Variants in ACTN2 observed in about 807,000 individuals in gnomAD.
The protein encoded by ACTN2 is actinin alpha 2.
A neutral mutation model predicts 113.8 loss-of-function variants in ACTN2; 39 were observed. The ratio of observed to expected loss-of-function variants is 0.34; its 90% CI spans 0.27 to 0.45. The LOEUF is 0.45. ACTN2 is among the 20% of genes least tolerant of loss of function. The pLI, the probability that ACTN2 is intolerant of heterozygous loss-of-function variation, is 1.00. For synonymous variants in ACTN2, 429 were observed against 444.1 expected (o/e 0.97, Z 0.43); for missense variants, 992 against 1,177.9 (o/e 0.84, Z 2.31).
chr1:236,737,698 C>T (rs1195169071), intron 9 of ACTN2, among the ~76,000 whole-genome samples: 3 of 152,012 alleles, frequency 2.0e-5, no homozygotes, highest in Non-Finnish European at 2.9e-5. Flanking sequence ...TGTATAAATA[C>T]CCAGAGGAAA....
Position 236,751,475 on chromosome 1 carries a change from G to A in ACTN2, c.1662G>A (p.Leu554=). Residue 554 remains leucine, a synonymous_variant, in exon 15 of 21, where the codon CTG becomes CTA. Coordinates refer to ENST00000366578, the MANE Select transcript of ACTN2 (RefSeq NM_001103.4). ...IVHSIEEIQS[L]ITAHEQFKAT... ...CACTTGTGTCTCGGGTGTAGAGTCT[G>A]ATCACTGCGCATGAGCAGTTCAAGG... 6.2e-7 allele frequency: 1 copy of A among 1,613,944 alleles called. No individual in the cohort carries two copies. The highest frequency in any genetic ancestry group is 2.2e-5 in the East Asian group (1 of 44,896).
intron 1 of ACTN2, among the ~76,000 whole-genome samples, chr1:236,708,949 T>C (rs142968572): frequency 8.1e-4 from 123 of 152,188 alleles, no homozygotes; most frequent in African/African-American, 2.9e-3. Flanking sequence ...ACTTTTCTAA[T>C]ATTTAGAAAG....
intron 1 of ACTN2, among the ~76,000 whole-genome samples, chr1:236,698,247 A>G (rs185189485): frequency 6.6e-6 from 1 of 151,738 alleles, no homozygotes; most frequent in Non-Finnish European, 1.5e-5. Context: ...CATGATGTAG[A>G]ATTAAACTCC....
chr1:236,701,268 T>A (rs1657665740), intron 1 of ACTN2, among the ~76,000 whole-genome samples: 1 of 152,086 alleles, frequency 6.6e-6, no homozygotes, highest in South Asian at 2.1e-4. Context: ...TTCCCCCAAG[T>A]AATTTGTACA....
At chr1:236,715,200 A>G (rs1658147990) in intron 1 of ACTN2, among the ~76,000 whole-genome samples, 1 of 149,734 alleles carries the variant, frequency 6.7e-6, no homozygotes, top group Non-Finnish European at 1.5e-5. Flanking sequence ...GTACATGTGC[A>G]CAACGTGTAG....
chr1:236,747,992 A>G (rs1659287789), intron 13 of ACTN2: 4 of 521,862 alleles, frequency 7.7e-6, no homozygotes, highest in Admixed American at 6.4e-5. Context: ...ATATTTTTCA[A>G]TTTTAAAAAA....
At position 236,686,561 on chromosome 1, in the gene ACTN2, A is replaced by G; in HGVS notation, c.-113A>G. ...TGTCGCCCCGAGAGGAGCCGCGCGAAGGTCACCCCGCGCCCGCCGCCCGCC... is the reference window on the plus strand; with the variant it reads ...TGTCGCCCCGAGAGGAGCCGCGCGAGGGTCACCCCGCGCCCGCCGCCCGCC... On this transcript the variant is annotated 5_prime_UTR_variant, in exon 1 of 21. Transcript: ENST00000366578. The G allele has an allele frequency of 8.1e-7, 1 of 1,232,306 alleles. No homozygotes were observed. The allele number at this position is 1,232,306 out of a possible 1,614,324, so 76.3% of individuals were successfully genotyped here.
intron 1 of ACTN2, among the ~76,000 whole-genome samples, chr1:236,708,959 G>A (rs1052977065): frequency 4.6e-5 from 7 of 151,928 alleles, no homozygotes; most frequent in East Asian, 1.9e-4. Context: ...TATTTAGAAA[G>A]AACCAGGAAA....
chr1:236,724,473 C>T (rs914784876), intron 4 of ACTN2, among the ~76,000 whole-genome samples: 1 of 152,168 alleles, frequency 6.6e-6, no homozygotes, highest in Non-Finnish European at 1.5e-5. Flanking sequence ...GCCTGAGGAG[C>T]CTTCAGACCA....
chr1:236,716,723 T>G (rs1658226009), intron 1 of ACTN2, among the ~76,000 whole-genome samples: 1 of 152,142 alleles, frequency 6.6e-6, no homozygotes, highest in Non-Finnish European at 1.5e-5. Context: ...TTAAAACTGT[T>G]GTTCACCCGA....
In ACTN2 at chr1:236,762,466, C is replaced by T; in HGVS notation, c.2532C>T (p.Tyr844=). 2 of 1,614,124 alleles carry T rather than the reference C, an allele frequency of 1.2e-6. No homozygotes were observed. Among genetic ancestry groups the T allele is most frequent in the South Asian group, 2.2e-5 (2 of 91,076 alleles). Reference sequence around the variant, plus strand: ...ACGTGTGTATTTTTTCCCAGCCATACATCCTGGCGGAGGAGCTGCGTCGGG... The same window carrying T: ...ACGTGTGTATTTTTTCCCAGCCATATATCCTGGCGGAGGAGCTGCGTCGGG... The part of the protein sequence containing the change: ...SFRILASDKP[Y]ILAEELRREL... The change falls in exon 21 of 21, where the codon TAC becomes TAT. Residue 844 remains tyrosine (Y), a synonymous_variant. Coordinates refer to ENST00000366578, the MANE Select transcript of ACTN2 (RefSeq NM_001103.4).
intron 18 of ACTN2, 25 bp downstream of exon 18, chr1:236,757,657 G>A: frequency 6.2e-7 from 1 of 1,613,762 alleles, no homozygotes; most frequent in Non-Finnish European, 8.5e-7. Context: ...TTATTTGAAG[G>A]GCAATACTGG....
chr1:236,706,112 T>C (rs200698747), intron 1 of ACTN2, among the ~76,000 whole-genome samples: 2 of 55,952 alleles, frequency 3.6e-5, no homozygotes, highest in Non-Finnish European at 1.5e-4. Context: ...AGGTATTTTC[T>C]TTTTTTTTTT....
chr1:236,701,543 G>A (rs955854406), intron 1 of ACTN2, among the ~76,000 whole-genome samples: 2 of 152,156 alleles, frequency 1.3e-5, no homozygotes, highest in Non-Finnish European at 2.9e-5. Context: ...CCTCTGAAAC[G>A]GGGTTGACTG....
intron 4 of ACTN2, among the ~76,000 whole-genome samples, chr1:236,722,193 T>TTAAC (rs1172500289): frequency 2.6e-5 from 4 of 152,160 alleles, no homozygotes; most frequent in African/African-American, 9.7e-5. Context: ...ACAACCTCAT[T>TTAAC]TAACTTCTGT....
intron 1 of ACTN2, among the ~76,000 whole-genome samples, chr1:236,713,226 C>CTTTTTTT (rs60295974): frequency 2.8e-5 from 4 of 144,022 alleles, no homozygotes; most frequent in Admixed American, 7.0e-5. Flanking sequence ...GTTCTTTTTT[C>CTTTTTTT]TTTTTTTTTT....
intron 1 of ACTN2, among the ~76,000 whole-genome samples, chr1:236,716,335 T>C (rs1658211847): frequency 1.3e-5 from 2 of 152,186 alleles, no homozygotes; most frequent in African/African-American, 4.8e-5. Flanking sequence ...TGCCAGGCAC[T>C]TTGTTCTCAA....
At chr1:236,742,818 T>C in intron 10 of ACTN2, 78 bp from the exon 11 acceptor site, 3 of 1,570,922 alleles carry the variant, frequency 1.9e-6, no homozygotes, top group Non-Finnish European at 2.6e-6. Context: ...GAGGGATTTA[T>C]AGAAGAAGCC....
chr1:236,727,093 T>C (rs896388860), intron 5 of ACTN2, among the ~76,000 whole-genome samples: 5 of 152,132 alleles, frequency 3.3e-5, no homozygotes, highest in African/African-American at 1.2e-4. Flanking sequence ...TTAGAGCTGG[T>C]GTCTACGGCG....
Sources: allele counts gnomAD v4.1 joint callset (sites outside exome capture counted in the v4.1 genomes callset), GRCh38; gene constraint gnomAD v4.1.1; transcripts MANE v1.5; gene names NCBI Gene and HGNC (gene_info 2026-07-23, HGNC 2026-07-21).